Variants in ARSK observed in about 807,000 individuals in gnomAD.
ARSK encodes arylsulfatase K.
In ARSK, 37 loss-of-function variants were observed where a neutral mutation model predicts 53.2. That is an observed-to-expected ratio of 0.70 (90% CI 0.54 to 0.92). The LOEUF is 0.92. Among genes scored for constraint, ARSK ranks in the 40% least tolerant of loss-of-function variants. The pLI, the probability that ARSK is intolerant of heterozygous loss-of-function variation, is 0.00. For missense variants in ARSK, 613 were observed against 643.0 expected (o/e 0.95, Z 0.51); for synonymous variants, 208 against 223.2 (o/e 0.93, Z 0.61).
chr5:95,562,265 T>G (rs1356300277), intron 1 of ARSK, among the ~76,000 whole-genome samples: 3 of 152,144 alleles, frequency 2.0e-5, no homozygotes, highest in African/African-American at 7.2e-5. Flanking sequence ...GAAGCATCTC[T>G]GCCTGGGTCT....
intron 5 of ARSK, among the ~76,000 whole-genome samples, chr5:95,586,999 C>T (rs1749123961): frequency 6.6e-6 from 1 of 152,134 alleles, no homozygotes; most frequent in South Asian, 2.1e-4. Context: ...CTACTTGAAA[C>T]GTTTTACTGT....
chr5:95,568,771 T>C (rs1296337875), intron 3 of ARSK, among the ~76,000 whole-genome samples: 1 of 152,084 alleles, frequency 6.6e-6, no homozygotes, highest in African/African-American at 2.4e-5. Flanking sequence ...CTGATAAGAG[T>C]GGCCTATTGT....
At chr5:95,579,908 A>G (rs1418205317) in intron 3 of ARSK, among the ~76,000 whole-genome samples, 1 of 152,158 alleles carries the variant, frequency 6.6e-6, no homozygotes, top group Non-Finnish European at 1.5e-5. Flanking sequence ...TCCACTGCAC[A>G]CTGTGTGTAA....
chr5:95,572,347 C>T (rs571285258), intron 3 of ARSK, among the ~76,000 whole-genome samples: 2 of 152,214 alleles, frequency 1.3e-5, no homozygotes, highest in Non-Finnish European at 2.9e-5. Flanking sequence ...AAAAGTTCTT[C>T]TACTCTGAAA....
chr5:95,599,380 A>G (rs1003344983), intron 6 of ARSK, among the ~76,000 whole-genome samples: 1 of 152,002 alleles, frequency 6.6e-6, no homozygotes, highest in African/African-American at 2.4e-5. Context: ...CTGCCTCCCA[A>G]CCTTTCTTAA....
chr5:95,583,107 G>T lies in ARSK; in HGVS notation c.608G>T (p.Gly203Val). 1.2e-6 allele frequency: 2 copies of T among 1,613,434 alleles called. No individual in the cohort carries two copies. Among genetic ancestry groups the T allele is most frequent in the Non-Finnish European group, 1.7e-6 (2 of 1,179,556 alleles). Residue 203 changes from glycine (G) to valine (V), a missense_variant, in exon 4 of 8, where the codon GGA becomes GTA. By Grantham distance (109) the Gly-to-Val change is moderately radical. Transcript: ENST00000380009. The part of the protein sequence containing the change: ...NYTEPFVIYL[G>V]LNLPHPYPSP... ...ACTGAACCATTTGTTATTTACTTGG[G>T]ATTAAATTTACCACACCCTTACCCT...
Position 95,583,106 on chromosome 5 carries a change from G to T in ARSK, c.607G>T (p.Gly203Ter). The T allele has an allele frequency of 6.2e-7, 1 of 1,613,180 alleles. No homozygotes were observed. ...NYTEPFVIYL[G>*]LNLPHPYPSP... The stretch of plus-strand genomic sequence containing the variant: ...CACTGAACCATTTGTTATTTACTTG[G>T]GATTAAATTTACCACACCCTTACCC... Residue 203 changes from glycine to a stop codon, truncating the protein, a stop_gained, in exon 4 of 8, where the codon GGA (glycine) becomes TGA (stop). Transcript: ENST00000380009. LOFTEE classifies it high-confidence loss of function.
At chr5:95,569,140 G>A (rs113173403) in intron 3 of ARSK, among the ~76,000 whole-genome samples, 3 of 151,886 alleles carry the variant, frequency 2.0e-5, no homozygotes, top group Non-Finnish European at 2.9e-5. Context: ...ACTGAACTTC[G>A]GTGTGATCTT....
At chr5:95,581,329 T>A (rs958946170) in intron 3 of ARSK, among the ~76,000 whole-genome samples, 2 of 152,194 alleles carry the variant, frequency 1.3e-5, no homozygotes, top group Non-Finnish European at 2.9e-5. Flanking sequence ...TTAATCACTG[T>A]TATAGCAAAA....
In ARSK at chr5:95,592,299, A is replaced by C. The variant is rs549757206; in HGVS notation, c.1096+674A>C. Reference sequence around the variant, plus strand: ...TTGGAAAAAGTACCCTCAATTCATAAATTTTGGTGAAAGAAAAAAAAATAG... The same window carrying C: ...TTGGAAAAAGTACCCTCAATTCATACATTTTGGTGAAAGAAAAAAAAATAG... On this transcript the variant is annotated intron_variant, in intron 6 of 7. Coordinates refer to ENST00000380009, the MANE Select transcript of ARSK (RefSeq NM_198150.3). Among the ~76,000 whole-genome samples, 7 of 152,256 alleles carry C rather than the reference A, an allele frequency of 4.6e-5. No homozygotes were observed. The South Asian group carries it at 1.2e-3, about 27-fold the overall frequency.
At chr5:95,592,704 A>T (rs1419029185) in intron 6 of ARSK, among the ~76,000 whole-genome samples, 1 of 152,012 alleles carries the variant, frequency 6.6e-6, no homozygotes, top group East Asian at 1.9e-4. Context: ...GCCTGCCACC[A>T]TGTCCAGCTA....
intron 6 of ARSK, among the ~76,000 whole-genome samples, chr5:95,597,700 C>G (rs780553749): frequency 3.3e-5 from 5 of 152,124 alleles, no homozygotes; most frequent in Non-Finnish European, 7.3e-5. Flanking sequence ...TCAAGACCAG[C>G]CTGGCCAACA....
At position 95,564,070 on chromosome 5, in the gene ARSK, C is replaced by T. The variant is rs530109898; in HGVS notation, c.127-1928C>T. Among the ~76,000 whole-genome samples the T allele has an allele frequency of 1.6e-3, 239 of 151,296 alleles. 3 individuals carry two copies. The highest frequency in any genetic ancestry group is 5.6e-3 in the African/African-American group (229 of 41,142). Reference sequence around the variant, plus strand: ...TCAGCTCACTGCAACCTCTGCTTCCCGGATTCAAGTGATTCTCTTGCCTCA... The same window carrying T: ...TCAGCTCACTGCAACCTCTGCTTCCTGGATTCAAGTGATTCTCTTGCCTCA... On this transcript the variant is annotated intron_variant, in intron 1 of 7. Coordinates refer to ENST00000380009, the MANE Select transcript of ARSK (RefSeq NM_198150.3).
At chr5:95,578,159 AT>A (rs557969012) in intron 3 of ARSK, among the ~76,000 whole-genome samples, 14 of 151,612 alleles carry the variant, frequency 9.2e-5, no homozygotes, top group Non-Finnish European at 1.6e-4. Context: ...TGAGAGAAGA[AT>A]TTTTTTTAAG....
intron 6 of ARSK, among the ~76,000 whole-genome samples, chr5:95,599,315 T>C (rs1749359932): frequency 1.3e-5 from 2 of 152,204 alleles, no homozygotes; most frequent in African/African-American, 4.8e-5. Context: ...TTAAAGGTTA[T>C]TAAAATGCTG....
At chr5:95,582,282 GAATT>G (rs1354726718) in intron 3 of ARSK, among the ~76,000 whole-genome samples, 3 of 152,028 alleles carry the variant, frequency 2.0e-5, no homozygotes, top group Non-Finnish European at 4.4e-5. Context: ...TAGAGAAAGT[GAATT>G]AATTGAGAAA....
chr5:95,563,634 GA>G (rs1318896674), intron 1 of ARSK, among the ~76,000 whole-genome samples: 3 of 152,122 alleles, frequency 2.0e-5, no homozygotes, highest in Non-Finnish European at 4.4e-5. Context: ...CACTAACATC[GA>G]TTTTAATCTG....
intron 3 of ARSK, among the ~76,000 whole-genome samples, chr5:95,569,073 T>C (rs1473731077): frequency 6.6e-6 from 1 of 152,176 alleles, no homozygotes; most frequent in South Asian, 2.1e-4. Context: ...TGTATCCTTT[T>C]ATGTAATAAA....
chr5:95,570,400 A>C (rs188691784), intron 3 of ARSK, among the ~76,000 whole-genome samples: 2 of 152,328 alleles, frequency 1.3e-5, no homozygotes, highest in East Asian at 3.9e-4. Context: ...ATCAGAAAGA[A>C]AGGGAGGGAG....
Sources: gnomAD v4.1 joint callset for allele counts (sites outside exome capture counted in the v4.1 genomes callset) on GRCh38, gnomAD v4.1.1 for gene constraint, MANE v1.5 for transcripts, NCBI Gene and HGNC (gene_info 2026-07-23, HGNC 2026-07-21) for gene names.